Variants in GPM6A observed in about 807,000 individuals in gnomAD.
GPM6A encodes neuronal membrane glycoprotein M6-a.
A neutral mutation model predicts 32.1 loss-of-function variants in GPM6A; 7 were observed. That is an observed-to-expected ratio of 0.22 (90% CI 0.12 to 0.41). The LOEUF (loss-of-function observed/expected upper bound fraction) is 0.41, where lower values mean the gene tolerates loss of function less well. Among genes scored for constraint, GPM6A ranks in the 10% least tolerant of loss-of-function variants. The pLI, the probability that GPM6A is intolerant of heterozygous loss-of-function variation, is 1.00. For missense variants in GPM6A, 235 were observed against 347.2 expected, an observed-to-expected ratio of 0.68 and a Z score of 2.57; for synonymous variants, 130 against 123.4, an observed-to-expected ratio of 1.05 and a Z score of -0.35.
At chr4:175,747,648 C>T (rs547099919) in intron 1 of GPM6A, among the ~76,000 whole-genome samples, 2 of 152,230 alleles carry the variant, frequency 1.3e-5, no homozygotes, top group African/African-American at 2.4e-5. Flanking sequence ...AAACTGCTAG[C>T]GATCATCTGA....
intron 1 of GPM6A, among the ~76,000 whole-genome samples, chr4:175,802,389 C>T (rs780722728): frequency 1.3e-5 from 2 of 152,078 alleles, no homozygotes; most frequent in African/African-American, 4.8e-5. Context: ...GATGGAAATA[C>T]TCTTCCGATA....
intron 1 of GPM6A, among the ~76,000 whole-genome samples, chr4:175,984,857 A>AT (rs1308815229): frequency 6.6e-6 from 1 of 152,134 alleles, no homozygotes; most frequent in Non-Finnish European, 1.5e-5. Flanking sequence ...TCCCATCACC[A>AT]TTTTTTGAGT....
At chr4:175,907,858 T>C (rs1738180860) in intron 1 of GPM6A, among the ~76,000 whole-genome samples, 1 of 152,206 alleles carries the variant, frequency 6.6e-6, no homozygotes, top group Non-Finnish European at 1.5e-5. Flanking sequence ...AAGGCTCCCA[T>C]GTCACATAAA....
chr4:175,637,246 A>T (rs1192888603), intron 6 of GPM6A, among the ~76,000 whole-genome samples: 1 of 42,096 alleles, frequency 2.4e-5, no homozygotes, highest in Non-Finnish European at 4.2e-5. Context: ...ATTATATATT[A>T]TATATAATAT....
At chr4:175,698,120 C>G (rs148599496) in intron 2 of GPM6A, among the ~76,000 whole-genome samples, 4 of 152,014 alleles carry the variant, frequency 2.6e-5, no homozygotes, top group Non-Finnish European at 5.9e-5. Context: ...ATTTTGTGGT[C>G]CCTGAGATAA....
chr4:175,916,511 T>C (rs1486324566), intron 1 of GPM6A, among the ~76,000 whole-genome samples: 1 of 152,222 alleles, frequency 6.6e-6, no homozygotes, highest in African/African-American at 2.4e-5. Flanking sequence ...TATGAGAACT[T>C]GTTAAAAAAT....
At chr4:175,813,864 A>G (rs1023887944), upstream of GPM6A, among the ~76,000 whole-genome samples, 2 of 152,196 alleles carry the variant, frequency 1.3e-5, no homozygotes, top group Non-Finnish European at 2.9e-5. Flanking sequence ...TCTCTTTTCA[A>G]ATGAATTTTG....
At chr4:175,663,873 T>C (rs1339064115) in intron 3 of GPM6A, among the ~76,000 whole-genome samples, 1 of 152,028 alleles carries the variant, frequency 6.6e-6, no homozygotes, top group African/African-American at 2.4e-5. Context: ...TTTGTATTCT[T>C]AGTAGAAACG....
At chr4:175,811,026 G>C (rs1299995791) in intron 1 of GPM6A, among the ~76,000 whole-genome samples, 2 of 151,996 alleles carry the variant, frequency 1.3e-5, no homozygotes, top group Non-Finnish European at 2.9e-5. Context: ...AAACCTTCAT[G>C]TATTTAATAT....
chr4:175,740,744 T>C (rs539765002), intron 1 of GPM6A, among the ~76,000 whole-genome samples: 88 of 152,224 alleles, frequency 5.8e-4, no homozygotes, highest in Admixed American at 1.9e-3. Flanking sequence ...AAGAGATTAT[T>C]TCATGCTTGT....
chr4:175,691,011 T>C (rs552655760), intron 2 of GPM6A, among the ~76,000 whole-genome samples: 1 of 152,232 alleles, frequency 6.6e-6, no homozygotes, highest in Non-Finnish European at 1.5e-5. Flanking sequence ...ACATTTAAAT[T>C]ATAATAAACC....
chr4:175,693,371 T>C (rs942692695), intron 2 of GPM6A, among the ~76,000 whole-genome samples: 1 of 150,730 alleles, frequency 6.6e-6, no homozygotes, highest in African/African-American at 2.4e-5. Flanking sequence ...ATACAAATAT[T>C]TTAAAATATA....
intron 1 of GPM6A, among the ~76,000 whole-genome samples, chr4:175,757,006 G>C (rs1732553667): frequency 6.6e-6 from 1 of 152,096 alleles, no homozygotes; most frequent in Non-Finnish European, 1.5e-5. Context: ...CTCTGGGAAT[G>C]TGTAGCAGCT....
At chr4:175,673,578 G>C in intron 3 of GPM6A, 102 bp downstream of exon 3, 1 of 749,810 alleles carries the variant, frequency 1.3e-6, no homozygotes. Context: ...AAACGTTACT[G>C]TGTGAAAAAA....
chr4:175,878,491 G>A (rs182136568), intron 1 of GPM6A, among the ~76,000 whole-genome samples: 54 of 152,262 alleles, frequency 3.5e-4, no homozygotes, highest in Middle Eastern at 3.4e-3. Context: ...AACACCACAT[G>A]TAAGCTGCCA....
chr4:175,693,567 T>C (rs1487875981), intron 2 of GPM6A, among the ~76,000 whole-genome samples: 1 of 152,090 alleles, frequency 6.6e-6, no homozygotes, highest in Non-Finnish European at 1.5e-5. Flanking sequence ...AGGTAGTCTA[T>C]GTATTCTTTT....
At chr4:175,739,116 T>C (rs946244394) in intron 1 of GPM6A, among the ~76,000 whole-genome samples, 1 of 152,196 alleles carries the variant, frequency 6.6e-6, no homozygotes, top group Non-Finnish European at 1.5e-5. Context: ...AGGTGTTGAA[T>C]AGAAGATACT....
At chr4:175,986,394 G>C (rs1740975988) in intron 1 of GPM6A, among the ~76,000 whole-genome samples, 2 of 151,628 alleles carry the variant, frequency 1.3e-5, no homozygotes, top group African/African-American at 4.8e-5. Context: ...TAAATAAGTT[G>C]GGTGCAGTGG....
At chr4:175,707,866 T>G (rs370868626) in intron 1 of GPM6A, among the ~76,000 whole-genome samples, 1 of 152,222 alleles carries the variant, frequency 6.6e-6, no homozygotes, top group Non-Finnish European at 1.5e-5. Flanking sequence ...TATCATATGC[T>G]TCCCATCTGG....
Sources: allele counts gnomAD v4.1 joint callset (sites outside exome capture counted in the v4.1 genomes callset), GRCh38; gene constraint gnomAD v4.1.1; transcripts MANE v1.5; gene names NCBI Gene and HGNC (gene_info 2026-07-23, HGNC 2026-07-21).